The following TTC33 variants were observed in gnomAD, a reference collection of about 807,000 sequenced individuals.
TTC33 encodes the protein tetratricopeptide repeat domain 33.
Under a neutral mutation model 29.4 loss-of-function variants are expected in TTC33, and 24 were observed. That is an observed-to-expected ratio of 0.82 (90% CI 0.59 to 1.15). TTC33 has a LOEUF of 1.15. Ranked by LOEUF, TTC33 falls within the 50% of genes most tolerant of loss-of-function variation. The probability of loss-of-function intolerance (pLI) is 0.00; values close to 1 mark genes in which losing one functional copy is unlikely to be tolerated. For missense variants in TTC33, 286 were observed against 310.4 expected, an observed-to-expected ratio of 0.92 and a Z score of 0.59; for synonymous variants, 107 against 100.3, an observed-to-expected ratio of 1.07 and a Z score of -0.40.
At chr5:40,747,892 C>T (rs528814248) in intron 1 of TTC33, among the ~76,000 whole-genome samples, 79 of 152,274 alleles carry the variant, frequency 5.2e-4, no homozygotes, top group African/African-American at 1.7e-3. Context: ...ACGGCCCGAT[C>T]TCGGATCACT....
intron 2 of TTC33, among the ~76,000 whole-genome samples, chr5:40,734,025 T>G (rs138564610): frequency 4.9e-4 from 75 of 152,328 alleles, no homozygotes; most frequent in African/African-American, 1.7e-3. Flanking sequence ...AGCAGAGGCA[T>G]CCCTCAATGA....
intron 4 of TTC33, among the ~76,000 whole-genome samples, chr5:40,719,273 A>G (rs972091630): frequency 1.3e-5 from 2 of 152,312 alleles, no homozygotes; most frequent in African/African-American, 2.4e-5. Context: ...CTATTGCTAT[A>G]TATCTGTCTA....
At chr5:40,750,277 A>G (rs927039507) in intron 1 of TTC33, among the ~76,000 whole-genome samples, 6 of 151,772 alleles carry the variant, frequency 4.0e-5, no homozygotes, top group Admixed American at 3.3e-4. Flanking sequence ...TTTTTAAAAT[A>G]AGACAACAGC....
In TTC33 at chr5:40,716,033, A is replaced by T; in HGVS notation, c.*112T>A. On this transcript the variant is annotated 3_prime_UTR_variant, in exon 5 of 5. Transcript: ENST00000337702. ...AGTTTTTATATGCCTCATCTGAAAAACATATTTTACAACCAGGCGTTCTCC... is the reference window on the plus strand; with the variant it reads ...AGTTTTTATATGCCTCATCTGAAAATCATATTTTACAACCAGGCGTTCTCC... 1.1e-6 allele frequency: 1 copy of T among 880,688 alleles called. No homozygotes were observed. Among genetic ancestry groups the T allele is most frequent in the Non-Finnish European group, 1.7e-6 (1 of 591,832 alleles). The allele number at this position is 880,688 out of a possible 1,614,324, so 54.6% of individuals were successfully genotyped here. A position where few individuals can be genotyped will look rare whatever the true frequency, so the allele number is the denominator to read the frequency against.
chr5:40,750,087 CAAAA>C (rs142845813), intron 1 of TTC33, among the ~76,000 whole-genome samples: 2 of 132,416 alleles, frequency 1.5e-5, no homozygotes, highest in Non-Finnish European at 3.2e-5. Flanking sequence ...AACTCCATCT[CAAAA>C]AAAAAAAAAA....
At chr5:40,724,498 T>G (rs1397264231) in intron 4 of TTC33, among the ~76,000 whole-genome samples, 3 of 151,944 alleles carry the variant, frequency 2.0e-5, no homozygotes, top group African/African-American at 7.3e-5. Context: ...CCAGACATGG[T>G]GGCACACGCC....
In TTC33 at chr5:40,713,712, G is replaced by A. The variant is rs902802062; in HGVS notation, c.*2433C>T. 2.0e-5 allele frequency among the ~76,000 whole-genome samples: 3 copies of A among 152,070 alleles called. No individual in the cohort carries two copies. The highest frequency in any genetic ancestry group is 7.2e-5 in the African/African-American group (3 of 41,424). ...CATACAATTCTCAAACAAGAATAAT[G>A]TAAATTATAGTCAATATAACTTGAA... On this transcript the variant is annotated 3_prime_UTR_variant, in exon 5 of 5. Coordinates refer to ENST00000337702, the MANE Select transcript of TTC33 (RefSeq NM_012382.3).
chr5:40,725,312 C>A (rs989079480), intron 4 of TTC33, among the ~76,000 whole-genome samples: 1 of 152,066 alleles, frequency 6.6e-6, no homozygotes, highest in African/African-American at 2.4e-5. Flanking sequence ...TAAAAACTCT[C>A]AATCATCTTC....
Position 40,728,332 on chromosome 5 carries a change from C to T in TTC33, c.435+13G>A, listed in dbSNP as rs1181954279. The stretch of plus-strand genomic sequence containing the variant: ...CTTAAAATTTCTGCATTATAATAAT[C>T]TGACTTCCTCACCAGGATTATCTCT... On this transcript the variant is annotated intron_variant, in intron 4 of 4. Coordinates refer to ENST00000337702, the MANE Select transcript of TTC33 (RefSeq NM_012382.3). 3 of 1,310,006 alleles carry T rather than the reference C, an allele frequency of 2.3e-6. No individual in the cohort carries two copies. The highest frequency in any genetic ancestry group is 1.3e-5 in the South Asian group (1 of 79,060). 81.1% of individuals were successfully genotyped at this position (1,310,006 alleles called of 1,614,324 possible).
chr5:40,754,147 G>A (rs1370977142), intron 1 of TTC33, among the ~76,000 whole-genome samples: 1 of 152,086 alleles, frequency 6.6e-6, no homozygotes, highest in African/African-American at 2.4e-5. Context: ...AAAAAACCAC[G>A]CCACTATTGC....
At chr5:40,731,707 G>A (rs1330316522) in intron 2 of TTC33, among the ~76,000 whole-genome samples, 1 of 152,176 alleles carries the variant, frequency 6.6e-6, no homozygotes, top group Non-Finnish European at 1.5e-5. Context: ...TACAATTCAA[G>A]GTGAGATTTG....
intron 2 of TTC33, among the ~76,000 whole-genome samples, 165 bp downstream of exon 2, chr5:40,746,633 C>T (rs1446972389): frequency 6.6e-6 from 1 of 152,164 alleles, no homozygotes; most frequent in African/African-American, 2.4e-5. Context: ...TACAAACTTT[C>T]ATTTTTCAGG....
intron 2 of TTC33, among the ~76,000 whole-genome samples, chr5:40,743,372 G>T (rs1365533363): frequency 6.6e-6 from 1 of 152,178 alleles, no homozygotes; most frequent in Non-Finnish European, 1.5e-5. Context: ...GTGAAAATAA[G>T]CACAGTTTAA....
At chr5:40,738,723 T>G (rs998026092) in intron 2 of TTC33, among the ~76,000 whole-genome samples, 2 of 152,148 alleles carry the variant, frequency 1.3e-5, no homozygotes, top group African/African-American at 2.4e-5. Flanking sequence ...ACTGTCAATC[T>G]TTTCAATGTT....
chr5:40,716,159 T>C lies in TTC33; in HGVS notation c.775A>G (p.Ile259Val). 6.2e-7 allele frequency: 1 copy of C among 1,603,644 alleles called. No homozygotes were observed. The highest frequency in any genetic ancestry group is 8.5e-7 in the Non-Finnish European group (1 of 1,173,480). ...GATPPDGSVF[I>V]KAR Reference sequence around the variant, plus strand: ...TGCATACTGCTTCATCGGGCTTTGATAAAAACAGAGCCATCTGGTGGTGTA... The same window carrying C: ...TGCATACTGCTTCATCGGGCTTTGACAAAAACAGAGCCATCTGGTGGTGTA... Residue 259 changes from isoleucine (I) to valine (V), a missense_variant, in exon 5 of 5, where the codon ATC (isoleucine) becomes GTC (valine). By Grantham distance (29) the Ile-to-Val change is conservative. Transcript: ENST00000337702.
intron 2 of TTC33, among the ~76,000 whole-genome samples, chr5:40,738,449 C>A (rs201265593): frequency 5.0e-4 from 42 of 83,624 alleles, no homozygotes; most frequent in African/African-American, 1.7e-3. Flanking sequence ...AAATAAAATA[C>A]AATACAATAC....
chr5:40,746,703 T>A, intron 2 of TTC33, 95 bp downstream of exon 2: 1 of 949,238 alleles, frequency 1.1e-6, no homozygotes. Context: ...TTTTTAAACA[T>A]GAATTTATCA....
At chr5:40,728,221 T>C in intron 4 of TTC33, 124 bp downstream of exon 4, 1 of 726,486 alleles carries the variant, frequency 1.4e-6, no homozygotes, top group African/African-American at 2.0e-5. Flanking sequence ...GAGGCGGAGG[T>C]TGCCGTGAGC....
intron 2 of TTC33, among the ~76,000 whole-genome samples, chr5:40,738,484 C>A (rs187938311): frequency 0.042 from 3,724 of 88,494 alleles, 155 homozygotes; most frequent in East Asian, 0.2. Flanking sequence ...CAATACAATA[C>A]AATACAATAC....
Sources: gnomAD v4.1 joint callset for allele counts (sites outside exome capture counted in the v4.1 genomes callset) on GRCh38, gnomAD v4.1.1 for gene constraint, MANE v1.5 for transcripts, NCBI Gene and HGNC (gene_info 2026-07-23, HGNC 2026-07-21) for gene names.